Variants in MPP7 observed in about 807,000 individuals in gnomAD.
MPP7 encodes the protein MAGUK p55 scaffold protein 7, also known as MAGUK p55 subfamily member 7.
MPP7 carries 60 observed loss-of-function variants against 76.5 expected under a neutral mutation model. The observed-to-expected ratio is 0.78, with a 90% CI of 0.64 to 0.97. The LOEUF is 0.97. Among genes scored for constraint, MPP7 ranks in the 50% least tolerant of loss-of-function variants. The probability of loss-of-function intolerance (pLI) is 0.00; values close to 1 mark genes in which losing one functional copy is unlikely to be tolerated. For missense variants in MPP7, 641 were observed against 694.0 expected (o/e 0.92, Z 0.86); for synonymous variants, 237 against 244.5 (o/e 0.97, Z 0.29).
chr10:28,060,602 G>A (rs530453266), intron 13 of MPP7, among the ~76,000 whole-genome samples: 79 of 152,286 alleles, frequency 5.2e-4, no homozygotes, highest in African/African-American at 1.6e-3. Flanking sequence ...GGAATCCTTC[G>A]CAGAGCAGCA....
At chr10:28,163,580 T>A (rs1486433054) in intron 3 of MPP7, among the ~76,000 whole-genome samples, 1 of 152,186 alleles carries the variant, frequency 6.6e-6, no homozygotes, top group Middle Eastern at 3.4e-3. Context: ...TATTTTCAAA[T>A]AAATAAATCA....
chr10:28,066,146 C>A (rs1435003333), intron 13 of MPP7, among the ~76,000 whole-genome samples: 1 of 152,086 alleles, frequency 6.6e-6, no homozygotes, highest in East Asian at 1.9e-4. Context: ...GCAGGAGGAT[C>A]ATCTGAGGCC....
chr10:28,294,019 G>T (rs554625688), intron 1 of MPP7, among the ~76,000 whole-genome samples: 4 of 152,136 alleles, frequency 2.6e-5, no homozygotes, highest in Non-Finnish European at 5.9e-5. Flanking sequence ...AAAGAATTGC[G>T]TTCAAGGGCT....
intron 1 of MPP7, among the ~76,000 whole-genome samples, chr10:28,278,798 A>G (rs1178052148): frequency 1.3e-5 from 2 of 151,888 alleles, no homozygotes; most frequent in Non-Finnish European, 2.9e-5. Context: ...CGTTATCCGT[A>G]ACATTTCATT....
At chr10:28,224,220 A>G (rs2134079531) in intron 2 of MPP7, among the ~76,000 whole-genome samples, 1 of 152,132 alleles carries the variant, frequency 6.6e-6, no homozygotes, top group African/African-American at 2.4e-5. Flanking sequence ...AATTTCACAG[A>G]GGTGAGAAAA....
chr10:28,235,467 C>G (rs2134129359), intron 2 of MPP7, among the ~76,000 whole-genome samples: 1 of 152,014 alleles, frequency 6.6e-6, no homozygotes, highest in African/African-American at 2.4e-5. Flanking sequence ...AGAAAGAGAA[C>G]TCAGAAAATA....
intron 2 of MPP7, among the ~76,000 whole-genome samples, chr10:28,216,266 A>AGGT (rs1463710079): frequency 6.6e-6 from 1 of 152,144 alleles, no homozygotes; most frequent in African/African-American, 2.4e-5. Flanking sequence ...CAGTGAGTCA[A>AGGT]GGTGGTGCCA....
intron 1 of MPP7, among the ~76,000 whole-genome samples, chr10:28,293,897 G>T (rs1840979933): frequency 6.6e-6 from 1 of 152,240 alleles, no homozygotes; most frequent in South Asian, 2.1e-4. Flanking sequence ...GATAGTGACA[G>T]AAAGTGATGG....
chr10:28,197,702 G>A (rs934358911), intron 3 of MPP7, among the ~76,000 whole-genome samples: 1 of 152,124 alleles, frequency 6.6e-6, no homozygotes, highest in African/African-American at 2.4e-5. Context: ...TGCCCACCAA[G>A]TTGAACATCT....
intron 13 of MPP7, among the ~76,000 whole-genome samples, chr10:28,062,547 C>T (rs1261374255): frequency 7.5e-6 from 1 of 133,960 alleles, no homozygotes; most frequent in Non-Finnish European, 1.5e-5. Flanking sequence ...CACACACACA[C>T]ACACACACAC....
intron 10 of MPP7, 27 bp from the exon 11 acceptor site, chr10:28,119,742 A>T: frequency 6.3e-7 from 1 of 1,591,776 alleles, no homozygotes. Flanking sequence ...CAACATACCT[A>T]TCAATTTTCA....
intron 1 of MPP7, among the ~76,000 whole-genome samples, chr10:28,292,451 GA>G (rs59001457): frequency 0.16 from 22,902 of 142,410 alleles, 2,567 homozygotes; most frequent in East Asian, 0.48. Context: ...GATCATTACG[GA>G]AAAAAAAAAA....
At chr10:28,143,579 A>G (rs11006894) in intron 5 of MPP7, among the ~76,000 whole-genome samples, 21,704 of 142,684 alleles carry the variant, frequency 0.15, 2,680 homozygotes, top group East Asian at 0.5. Context: ...GTGTATTCCT[A>G]TCTTTGTGGA....
At chr10:28,127,753 T>C (rs1045341227) in intron 6 of MPP7, among the ~76,000 whole-genome samples, 1 of 152,148 alleles carries the variant, frequency 6.6e-6, no homozygotes, top group Admixed American at 6.5e-5. Context: ...CCGAACCCTA[T>C]CAGGTGGTAA....
intron 5 of MPP7, among the ~76,000 whole-genome samples, chr10:28,136,829 T>A (rs1245227503): frequency 6.6e-6 from 1 of 152,108 alleles, no homozygotes; most frequent in Non-Finnish European, 1.5e-5. Context: ...TGAGAAATTA[T>A]GAATAGGACT....
At chr10:28,125,862 C>T (rs7080796) in intron 6 of MPP7, among the ~76,000 whole-genome samples, 28,412 of 152,120 alleles carry the variant, frequency 0.19, 3,556 homozygotes, top group East Asian at 0.46. Flanking sequence ...TAACTGCTGC[C>T]TTGTAAGAAC....
intron 11 of MPP7, among the ~76,000 whole-genome samples, chr10:28,113,751 T>C (rs1267904491): frequency 6.6e-6 from 1 of 152,228 alleles, no homozygotes; most frequent in East Asian, 1.9e-4. Context: ...CACTTGTCCA[T>C]GTTAAAACTG....
intron 1 of MPP7, among the ~76,000 whole-genome samples, chr10:28,273,899 T>G (rs1564749678): frequency 6.6e-6 from 1 of 151,882 alleles, no homozygotes; most frequent in Non-Finnish European, 1.5e-5. Flanking sequence ...GGAGGCTGAG[T>G]TGAAAGGATT....
intron 1 of MPP7, among the ~76,000 whole-genome samples, chr10:28,274,864 T>C (rs149138584): frequency 7.9e-5 from 12 of 152,356 alleles, no homozygotes; most frequent in African/African-American, 2.9e-4. Context: ...ACTCTCATTA[T>C]ATGACTTTCT....
Sources: gnomAD v4.1 joint callset for allele counts (sites outside exome capture counted in the v4.1 genomes callset) on GRCh38, gnomAD v4.1.1 for gene constraint, MANE v1.5 for transcripts, NCBI Gene and HGNC (gene_info 2026-07-23, HGNC 2026-07-21) for gene names.